The following PRELID2 variants were observed in gnomAD, a reference collection of about 807,000 sequenced individuals.
PRELID2 encodes the protein PRELI domain-containing protein 2.
PRELID2 carries 25 observed loss-of-function variants against 28.4 expected under a neutral mutation model. The ratio of observed to expected loss-of-function variants is 0.88; its 90% confidence interval spans 0.64 to 1.23. The LOEUF is 1.23. Among genes scored for constraint, PRELID2 ranks in the 50% most tolerant of loss-of-function variants. PRELID2 has a pLI of 0.00. For missense variants in PRELID2, 201 were observed against 214.4 expected, an observed-to-expected ratio of 0.94 and a Z score of 0.39; for synonymous variants, 76 against 71.6, an observed-to-expected ratio of 1.06 and a Z score of -0.31.
At chr5:145,391,097 T>C in the PRELID2 span, among the ~76,000 whole-genome samples, 4 of 152,166 alleles carry the variant, frequency 2.6e-5, no homozygotes, top group South Asian at 8.3e-4. Flanking sequence ...TGATGTTGAG[T>C]GTCTGTGGCT....
chr5:145,541,447 A>G (rs1357010522), intron 1 of PRELID2, among the ~76,000 whole-genome samples: 2 of 152,198 alleles, frequency 1.3e-5, no homozygotes, highest in East Asian at 3.9e-4. Context: ...AGTAAGTAGT[A>G]GAGCTGGGAT....
chr5:145,448,131 C>A, the PRELID2 span, among the ~76,000 whole-genome samples: 2 of 151,858 alleles, frequency 1.3e-5, no homozygotes, highest in South Asian at 2.1e-4. Context: ...TCTCCAGCAC[C>A]TGTTGTTTCC....
intron 3 of PRELID2, chr5:145,819,571 CTCTT>C (rs1754614451): frequency 3.4e-6 from 2 of 582,474 alleles, no homozygotes; most frequent in East Asian, 6.0e-5. Flanking sequence ...TGAAGTTTTT[CTCTT>C]TCTTATTAAA....
chr5:145,670,528 G>T (rs1167686285), intron 1 of PRELID2, among the ~76,000 whole-genome samples: 3 of 152,164 alleles, frequency 2.0e-5, no homozygotes, highest in Non-Finnish European at 4.4e-5. Flanking sequence ...CTGGTTTTTA[G>T]CACATTGCCT....
intron 6 of PRELID2, among the ~76,000 whole-genome samples, chr5:145,763,625 G>A (rs1757584249): frequency 2.0e-5 from 3 of 152,182 alleles, no homozygotes; most frequent in Non-Finnish European, 4.4e-5. Flanking sequence ...TTGGTTAACT[G>A]CTCTCACTCT....
At chr5:145,835,144 C>G (rs1240872664) in intron 1 of PRELID2, 33 bp downstream of exon 1, 2 of 1,480,418 alleles carry the variant, frequency 1.4e-6, no homozygotes, top group African/African-American at 1.4e-5. Context: ...GCGGAGGCAG[C>G]GCGGGATACG....
intron 1 of PRELID2, among the ~76,000 whole-genome samples, chr5:145,560,480 A>G (rs1025557971): frequency 6.6e-6 from 1 of 152,176 alleles, no homozygotes; most frequent in Admixed American, 6.5e-5. Flanking sequence ...TAAATTAAGT[A>G]ATTTATCCTT....
At chr5:145,431,086 T>C in the PRELID2 span, among the ~76,000 whole-genome samples, 1 of 148,954 alleles carries the variant, frequency 6.7e-6, no homozygotes, top group East Asian at 2.0e-4. Flanking sequence ...CCTAATGTTA[T>C]GGCCCAGAGA....
chr5:145,400,963 T>C, the PRELID2 span, among the ~76,000 whole-genome samples: 3 of 152,068 alleles, frequency 2.0e-5, no homozygotes, highest in Non-Finnish European at 4.4e-5. Context: ...CTCCCAGGGA[T>C]TCACCACTGT....
chr5:145,792,291 C>G (rs78056990), intron 5 of PRELID2, among the ~76,000 whole-genome samples: 4 of 152,268 alleles, frequency 2.6e-5, no homozygotes, highest in South Asian at 4.1e-4. Context: ...CTTGGGACCT[C>G]AGTTTCCCTA....
chr5:145,655,555 T>C (rs1386807171), intron 1 of PRELID2, among the ~76,000 whole-genome samples: 2 of 152,122 alleles, frequency 1.3e-5, no homozygotes, highest in Admixed American at 6.5e-5. Context: ...AACAGAGATA[T>C]AGACCAATGG....
the PRELID2 span, among the ~76,000 whole-genome samples, chr5:145,415,204 T>A: frequency 6.6e-6 from 1 of 152,170 alleles, no homozygotes; most frequent in Non-Finnish European, 1.5e-5. Flanking sequence ...TAAATGGAAA[T>A]CGAACAACGT....
chr5:145,439,339 G>A, the PRELID2 span, among the ~76,000 whole-genome samples: 2 of 152,080 alleles, frequency 1.3e-5, no homozygotes, highest in South Asian at 2.1e-4. Flanking sequence ...GCAACTCAGA[G>A]GAGCTAAGTG....
intron 1 of PRELID2, among the ~76,000 whole-genome samples, chr5:145,635,468 T>G (rs1232912573): frequency 3.3e-5 from 5 of 152,194 alleles, no homozygotes; most frequent in Admixed American, 3.3e-4. Flanking sequence ...ATACTTCATA[T>G]TCATTACTTG....
the PRELID2 span, among the ~76,000 whole-genome samples, chr5:145,332,350 C>T: frequency 1.3e-5 from 2 of 152,172 alleles, no homozygotes; most frequent in East Asian, 3.9e-4. Flanking sequence ...GGATAATATC[C>T]TGAAGAGTAT....
the PRELID2 span, among the ~76,000 whole-genome samples, chr5:145,295,422 C>T: frequency 1.8e-4 from 28 of 152,190 alleles, no homozygotes; most frequent in African/African-American, 6.7e-4. Flanking sequence ...AATTGTGAAA[C>T]CCTTTACACT....
intron 1 of PRELID2, among the ~76,000 whole-genome samples, chr5:145,645,630 G>C (rs186982560): frequency 6.6e-6 from 1 of 151,990 alleles, no homozygotes; most frequent in South Asian, 2.1e-4. Flanking sequence ...TCATAGTGTC[G>C]ACATTCTTTA....
intron 1 of PRELID2, among the ~76,000 whole-genome samples, chr5:145,633,627 C>T (rs186667814): frequency 7.2e-5 from 11 of 152,348 alleles, no homozygotes; most frequent in Admixed American, 3.3e-4. Context: ...CATCAGCATA[C>T]TCCAATATCA....
intron 4 of PRELID2, among the ~76,000 whole-genome samples, chr5:145,806,288 T>C (rs555518712): frequency 7.7e-4 from 117 of 152,320 alleles, no homozygotes; most frequent in African/African-American, 2.5e-3. Flanking sequence ...TCTTATTCTA[T>C]TAACTTTTTT....
Sources: gnomAD v4.1 joint callset for allele counts (sites outside exome capture counted in the v4.1 genomes callset) on GRCh38, gnomAD v4.1.1 for gene constraint, MANE v1.5 for transcripts, NCBI Gene and HGNC (gene_info 2026-07-23, HGNC 2026-07-21) for gene names.